The following LARGE1 variants were observed in gnomAD, a reference collection of about 807,000 sequenced individuals.
The protein encoded by LARGE1 is LARGE xylosyl- and glucuronyltransferase 1, also known as xylosyl- and glucuronyltransferase LARGE1.
Under a neutral mutation model 87.6 loss-of-function variants are expected in LARGE1, and 43 were observed. The observed-to-expected ratio is 0.49, with a 90% CI of 0.38 to 0.63. The LOEUF (loss-of-function observed/expected upper bound fraction) is 0.63, where lower values mean the gene tolerates loss of function less well. Ranked by LOEUF, LARGE1 falls within the 30% of genes least tolerant of loss-of-function variation. The pLI, the probability that LARGE1 is intolerant of heterozygous loss-of-function variation, is 0.00. For missense variants in LARGE1, 802 were observed against 1,000.2 expected, an observed-to-expected ratio of 0.80 and a Z score of 2.67; for synonymous variants, 434 against 394.6, an observed-to-expected ratio of 1.10 and a Z score of -1.18.
chr22:33,123,263 CA>C, the LARGE1 span, among the ~76,000 whole-genome samples: 1 of 152,184 alleles, frequency 6.6e-6, no homozygotes, highest in Non-Finnish European at 1.5e-5. Context: ...TTTCTTTTTA[CA>C]GAATAAATCT....
At chr22:33,238,342 G>A (rs1490818519) in intron 11 of LARGE1, among the ~76,000 whole-genome samples, 2 of 152,100 alleles carry the variant, frequency 1.3e-5, no homozygotes, top group African/African-American at 2.4e-5. Flanking sequence ...TCCTGTAAGT[G>A]GCTAGCCAGA....
intron 2 of LARGE1, among the ~76,000 whole-genome samples, chr22:33,687,340 C>G (rs2149323906): frequency 6.6e-6 from 1 of 151,870 alleles, no homozygotes; most frequent in Middle Eastern, 3.4e-3. Flanking sequence ...TTCTAAAATC[C>G]TACTCTCCAT....
rs545215708 is a variant in LARGE1 at position 33,784,405 on chromosome 22, C to T, written c.-82-22847G>A. On this transcript the variant is annotated intron_variant, in intron 1 of 14. Transcript: ENST00000397394. Reference sequence around the variant, plus strand: ...AAATGATGGAACAAAAATATAAACCCAGCAATCTGACTCCAGAATGTCTAT... The same window carrying T: ...AAATGATGGAACAAAAATATAAACCTAGCAATCTGACTCCAGAATGTCTAT... Among the ~76,000 whole-genome samples, 5 of 152,268 alleles carry T rather than the reference C, an allele frequency of 3.3e-5. 1 individual carries two copies. The South Asian group carries it at 1.0e-3, about 32-fold the overall frequency.
At chr22:33,745,800 A>T (rs2084059490) in intron 2 of LARGE1, among the ~76,000 whole-genome samples, 1 of 152,098 alleles carries the variant, frequency 6.6e-6, no homozygotes, top group African/African-American at 2.4e-5. Context: ...AACCGAGCCC[A>T]CTGAGCCTGG....
Position 33,410,455 on chromosome 22 carries a change from C to T in LARGE1, c.892+21706G>A, listed in dbSNP as rs933894895. 1.1e-4 allele frequency among the ~76,000 whole-genome samples: 17 copies of T among 152,122 alleles called. No individual in the cohort carries two copies. The East Asian group carries it at 1.9e-3, about 17-fold the overall frequency. On this transcript the variant is annotated intron_variant, in intron 7 of 14. Coordinates refer to ENST00000397394, the MANE Select transcript of LARGE1 (RefSeq NM_133642.5). The stretch of plus-strand genomic sequence containing the variant: ...GGGGCGGTTTCCTCCATGCTGTTCT[C>T]GTGACAGTGAGTGAGTTCTCACGAG...
the LARGE1 span, among the ~76,000 whole-genome samples, chr22:33,074,552 G>A: frequency 2.0e-5 from 3 of 152,206 alleles, no homozygotes; most frequent in African/African-American, 7.2e-5. Context: ...CCGCGTGCCT[G>A]TAGTCCCAGC....
chr22:33,080,705 A>T, the LARGE1 span, among the ~76,000 whole-genome samples: 1 of 152,140 alleles, frequency 6.6e-6, no homozygotes, highest in Non-Finnish European at 1.5e-5. Context: ...GAACAGAGAG[A>T]TTAAGTAACT....
At chr22:33,602,884 G>C (rs927803200) in intron 5 of LARGE1, among the ~76,000 whole-genome samples, 1 of 152,160 alleles carries the variant, frequency 6.6e-6, no homozygotes, top group African/African-American at 2.4e-5. Flanking sequence ...CCTACCCAAA[G>C]AAAGGTAAAT....
intron 11 of LARGE1, among the ~76,000 whole-genome samples, chr22:33,199,383 T>C (rs996945000): frequency 3.9e-5 from 6 of 152,226 alleles, no homozygotes; most frequent in African/African-American, 1.4e-4. Flanking sequence ...TTATCTACTT[T>C]AGTCTTTGTT....
chr22:33,626,346 G>A lies in LARGE1; in HGVS notation c.409-20C>T. On this transcript the variant is annotated intron_variant, in intron 3 of 14. Coordinates refer to ENST00000397394, the MANE Select transcript of LARGE1 (RefSeq NM_133642.5). Reference sequence around the variant, plus strand: ...GATTGTCTGGGAAGAAAAGAAGACGGGGTGAGCAGTCAGACAGACGGAAGG... The same window carrying A: ...GATTGTCTGGGAAGAAAAGAAGACGAGGTGAGCAGTCAGACAGACGGAAGG... 1 of 1,605,230 alleles carries A rather than the reference G, an allele frequency of 6.2e-7. No individual in the cohort carries two copies. The highest frequency in any genetic ancestry group is 8.5e-7 in the Non-Finnish European group (1 of 1,172,012).
intron 1 of LARGE1, among the ~76,000 whole-genome samples, chr22:33,911,138 G>A (rs2065624783): frequency 6.6e-6 from 1 of 152,236 alleles, no homozygotes; most frequent in Non-Finnish European, 1.5e-5. Context: ...CGTGCTTTGG[G>A]TGCAGATTGG....
chr22:33,414,156 C>T (rs1026248639), intron 7 of LARGE1, among the ~76,000 whole-genome samples: 9 of 152,012 alleles, frequency 5.9e-5, no homozygotes, highest in African/African-American at 1.2e-4. Flanking sequence ...ATAATACATT[C>T]CCAAAAACAG....
At chr22:33,222,765 A>T (rs930875866) in intron 11 of LARGE1, among the ~76,000 whole-genome samples, 4 of 152,198 alleles carry the variant, frequency 2.6e-5, no homozygotes, top group African/African-American at 9.7e-5. Context: ...TTTGGCCTCC[A>T]GACTGCAATA....
the LARGE1 span, among the ~76,000 whole-genome samples, chr22:33,097,049 A>G: frequency 1.3e-5 from 2 of 152,206 alleles, no homozygotes. Flanking sequence ...ACAAAAGGAA[A>G]GAGGGAGTGA....
the LARGE1 span, among the ~76,000 whole-genome samples, chr22:33,154,169 G>GAA: frequency 2.7e-4 from 38 of 139,782 alleles, no homozygotes; most frequent in African/African-American, 6.9e-4. Context: ...TTGTTATATG[G>GAA]AAAAAAAAAA....
At chr22:33,158,589 A>G (rs1921934586), downstream of LARGE1, among the ~76,000 whole-genome samples, 1 of 152,230 alleles carries the variant, frequency 6.6e-6, no homozygotes, top group Non-Finnish European at 1.5e-5. Flanking sequence ...CCATCTGAAT[A>G]TCAGGATATT....
chr22:33,073,109 C>T, the LARGE1 span, among the ~76,000 whole-genome samples: 6 of 152,228 alleles, frequency 3.9e-5, no homozygotes, highest in Non-Finnish European at 7.4e-5. Context: ...GACCGATTTT[C>T]TTCCCCCATA....
At chr22:33,504,829 C>T (rs1337335765) in intron 6 of LARGE1, among the ~76,000 whole-genome samples, 1 of 152,176 alleles carries the variant, frequency 6.6e-6, no homozygotes, top group Admixed American at 6.5e-5. Context: ...GTTAACAAAA[C>T]ATAATACCTT....
At chr22:33,541,701 A>AT (rs889929491) in intron 6 of LARGE1, among the ~76,000 whole-genome samples, 9 of 151,446 alleles carry the variant, frequency 5.9e-5, no homozygotes, top group Admixed American at 1.3e-4. Context: ...GTCTGGAGTC[A>AT]TCGTCTTACT....
Sources: gnomAD v4.1 joint callset for allele counts (sites outside exome capture counted in the v4.1 genomes callset) on GRCh38, gnomAD v4.1.1 for gene constraint, MANE v1.5 for transcripts, NCBI Gene and HGNC (gene_info 2026-07-23, HGNC 2026-07-21) for gene names.